REV3L: variants seen among roughly 807,000 people sequenced by gnomAD.
REV3L encodes the protein REV3 like, DNA directed polymerase zeta catalytic subunit.
REV3L carries 69 observed loss-of-function variants against 299.4 expected under a neutral mutation model. The observed-to-expected ratio is 0.23, with a 90% CI of 0.19 to 0.28. The LOEUF (loss-of-function observed/expected upper bound fraction) is 0.28. REV3L is among the 10% of genes least tolerant of loss of function. REV3L has a pLI of 1.00. For missense variants in REV3L, 3,128 were observed against 3,693.8 expected, an observed-to-expected ratio of 0.85 and a Z score of 3.97; for synonymous variants, 1,238 against 1,271.4, an observed-to-expected ratio of 0.97 and a Z score of 0.56.
intron 13 of REV3L, among the ~76,000 whole-genome samples, chr6:111,371,230 A>AC (rs1228094366): frequency 2.0e-5 from 3 of 152,242 alleles, no homozygotes; most frequent in African/African-American, 7.2e-5. Flanking sequence ...GGATTAAGCC[A>AC]CATTACCCAA....
At chr6:111,304,301 A>T (rs992604319) in intron 31 of REV3L, among the ~76,000 whole-genome samples, 4 of 122,094 alleles carry the variant, frequency 3.3e-5, no homozygotes, top group African/African-American at 1.0e-4. Context: ...AACACTTAAG[A>T]AGTACATTTT....
intron 25 of REV3L, among the ~76,000 whole-genome samples, chr6:111,327,086 T>G (rs1435603113): frequency 6.6e-6 from 1 of 152,212 alleles, no homozygotes; most frequent in Non-Finnish European, 1.5e-5. Context: ...TACTCCCTGG[T>G]GAAACCCTAT....
chr6:111,378,481 A>T (rs1780521506), intron 11 of REV3L, among the ~76,000 whole-genome samples: 1 of 152,188 alleles, frequency 6.6e-6, no homozygotes, highest in African/African-American at 2.4e-5. Flanking sequence ...AGCCTTTCCA[A>T]ATCACAATTT....
Position 111,376,410 on chromosome 6 carries a change from T to A in REV3L, c.1945A>T (p.Ile649Phe). Reference sequence around the variant, plus strand: ...CTTTCACAGGAAGATACTGGGAGGATCTCTTTCTTACTATTCTCTTTATGA... The same window carrying A: ...CTTTCACAGGAAGATACTGGGAGGAACTCTTTCTTACTATTCTCTTTATGA... ...NSHKENSKKE[I>F]LPVSSCESSI... The change falls in exon 13 of 32, where the codon ATC becomes TTC. Residue 649 changes from isoleucine to phenylalanine, a missense_variant. By Grantham distance (21) the Ile-to-Phe change is conservative. Around this residue, in one of 9 missense-constraint regions of REV3L, gnomAD observed 2,409 missense variants for 2,611.8 expected, o/e 0.92. Coordinates refer to ENST00000368802, the MANE Select transcript of REV3L (RefSeq NM_001372078.1). 6.2e-7 allele frequency: 1 copy of A among 1,613,674 alleles called. No individual in the cohort carries two copies. Among genetic ancestry groups the A allele is most frequent in the South Asian group, 1.1e-5 (1 of 91,002 alleles).
intron 17 of REV3L, among the ~76,000 whole-genome samples, chr6:111,357,719 C>T (rs1778241540): frequency 6.6e-6 from 1 of 151,986 alleles, no homozygotes; most frequent in Admixed American, 6.6e-5. Flanking sequence ...TAACATATCT[C>T]TTGTGAAGAA....
At chr6:111,313,553 TTA>T (rs1282789944) in intron 27 of REV3L, 64 bp from the exon 28 acceptor site, 8 of 1,483,650 alleles carry the variant, frequency 5.4e-6, no homozygotes, top group Non-Finnish European at 7.3e-6. Context: ...TGTTTTATTT[TTA>T]TGTCTTTGTG....
At chr6:111,322,977 CCTT>C (rs1167575896) in intron 25 of REV3L, among the ~76,000 whole-genome samples, 6 of 151,746 alleles carry the variant, frequency 4.0e-5, no homozygotes, top group Non-Finnish European at 8.8e-5. Flanking sequence ...GAAGAATAAT[CCTT>C]CTTTATTCAA....
intron 13 of REV3L, among the ~76,000 whole-genome samples, chr6:111,371,194 A>C (rs1357179370): frequency 1.3e-5 from 2 of 152,198 alleles, no homozygotes; most frequent in Non-Finnish European, 2.9e-5. Flanking sequence ...CAAGGGCAGG[A>C]ACAAGAGCCA....
At chr6:111,424,065 T>C (rs1469534547) in intron 1 of REV3L, among the ~76,000 whole-genome samples, 3 of 152,052 alleles carry the variant, frequency 2.0e-5, no homozygotes, top group Non-Finnish European at 4.4e-5. Context: ...AAATATCCAA[T>C]ACCCAATACA....
chr6:111,411,398 G>A lies in REV3L; in HGVS notation c.404+82C>T, dbSNP rs1005891705. On this transcript the variant is annotated intron_variant, in intron 3 of 31. Coordinates refer to ENST00000368802, the MANE Select transcript of REV3L (RefSeq NM_001372078.1). Reference sequence around the variant, plus strand: ...GTCTTTAATAAGACTACAAACTATAGAGGCCTTCTTTCTAGATTTTTTTTA... The same window carrying A: ...GTCTTTAATAAGACTACAAACTATAAAGGCCTTCTTTCTAGATTTTTTTTA... 9 of 854,892 alleles carry A rather than the reference G, an allele frequency of 1.1e-5. No homozygotes were observed. In the African/African-American group the frequency reaches 1.6e-4, roughly 15 times the overall value. 53.0% of individuals were successfully genotyped at this position (854,892 alleles called of 1,614,324 possible).
rs1326943846 is a variant in REV3L, at chr6:111,405,464, C to T, written c.565+6G>A. 3.8e-6 allele frequency: 6 copies of T among 1,584,942 alleles called. No individual in the cohort carries two copies. Among genetic ancestry groups the T allele is most frequent in the Admixed American group, 3.6e-5 (2 of 55,362 alleles). Reference sequence around the variant, plus strand: ...AAAATTTAATTTGACTGAAAATTAACCTTACTTTTCCTTCTTGCTTTTCGG... The same window carrying T: ...AAAATTTAATTTGACTGAAAATTAATCTTACTTTTCCTTCTTGCTTTTCGG... On this transcript the variant is annotated splice_donor_region_variant and intron_variant, in intron 4 of 31. Transcript: ENST00000368802.
At chr6:111,346,767 G>T (rs1439546093) in intron 20 of REV3L, among the ~76,000 whole-genome samples, 1 of 152,140 alleles carries the variant, frequency 6.6e-6, no homozygotes, top group African/African-American at 2.4e-5. Flanking sequence ...ATTTGACCCT[G>T]AATTTTCAGT....
intron 22 of REV3L, among the ~76,000 whole-genome samples, chr6:111,334,469 T>C (rs995118691): frequency 3.9e-5 from 6 of 152,092 alleles, no homozygotes; most frequent in African/African-American, 1.4e-4. Flanking sequence ...TGGCTTTTGT[T>C]GTGGAAATAA....
At chr6:111,345,318 A>C (rs1034153371) in intron 20 of REV3L, among the ~76,000 whole-genome samples, 2 of 152,208 alleles carry the variant, frequency 1.3e-5, no homozygotes, top group East Asian at 3.8e-4. Flanking sequence ...AGGAAAGCCT[A>C]ATATGGAGAC....
chr6:111,431,570 G>C, intron 1 of REV3L: 1 of 780,340 alleles, frequency 1.3e-6, no homozygotes, highest in Non-Finnish European at 2.2e-6. Flanking sequence ...CCCTCATACA[G>C]AGAAATGCAT....
intron 1 of REV3L, among the ~76,000 whole-genome samples, chr6:111,463,361 A>C (rs1291831097): frequency 1.3e-5 from 2 of 152,222 alleles, no homozygotes; most frequent in Non-Finnish European, 2.9e-5. Flanking sequence ...GGTTAATGTT[A>C]CAACAAATAA....
chr6:111,352,559 T>C (rs1314689108), intron 18 of REV3L, among the ~76,000 whole-genome samples: 1 of 152,190 alleles, frequency 6.6e-6, no homozygotes. Context: ...TAAACAGTTT[T>C]AATGCTGAGA....
chr6:111,358,000 A>G (rs1778274080), intron 17 of REV3L, among the ~76,000 whole-genome samples: 2 of 151,994 alleles, frequency 1.3e-5, no homozygotes, highest in African/African-American at 4.8e-5. Flanking sequence ...GTGTCAGCTC[A>G]AGCACATCAC....
intron 1 of REV3L, among the ~76,000 whole-genome samples, chr6:111,456,356 A>G (rs1419863893): frequency 6.6e-6 from 1 of 152,196 alleles, no homozygotes; most frequent in Non-Finnish European, 1.5e-5. Flanking sequence ...AATTTAACAC[A>G]CTAAACAAGA....
Sources: allele counts gnomAD v4.1 joint callset (sites outside exome capture counted in the v4.1 genomes callset), GRCh38; gene constraint gnomAD v4.1.1; regional missense constraint gnomAD v4.1.1; transcripts MANE v1.5; gene names NCBI Gene and HGNC (gene_info 2026-07-23, HGNC 2026-07-21).